The following CFAP410 variants were observed in gnomAD, a reference collection of about 807,000 sequenced individuals.
CFAP410 encodes cilia and flagella associated protein 410, also known as cilia- and flagella-associated protein 410.
CFAP410 carries 27 observed loss-of-function variants against 25.7 expected under a neutral mutation model. The ratio of observed to expected loss-of-function variants is 1.05; its 90% confidence interval spans 0.77 to 1.45. The LOEUF (loss-of-function observed/expected upper bound fraction) is 1.45, where lower values mean the gene tolerates loss of function less well. Ranked by LOEUF, CFAP410 falls within the 40% of genes most tolerant of loss-of-function variation. CFAP410 has a pLI of 0.00. For synonymous variants in CFAP410, 178 were observed against 158.4 expected, an observed-to-expected ratio of 1.12 and a Z score of -0.93; for missense variants, 428 against 354.1, an observed-to-expected ratio of 1.21 and a Z score of -1.67.
At chr21:44,339,051 C>T in intron 1 of CFAP410, 67 bp downstream of exon 1, 6 of 974,170 alleles carry the variant, frequency 6.2e-6, no homozygotes, top group Non-Finnish European at 8.4e-6. Context: ...CTCCCTCCGG[C>T]TCCGCCCTCG....
chr21:44,332,237 C>T (rs9984787), intron 4 of CFAP410: 2 of 477,708 alleles, frequency 4.2e-6, no homozygotes, highest in East Asian at 3.5e-5. Context: ...GAGGGCTGCT[C>T]AGGAATCTCA....
At chr21:44,334,373 G>A in intron 3 of CFAP410, 1 of 424,444 alleles carries the variant, frequency 2.4e-6, no homozygotes, top group Admixed American at 2.5e-5. Flanking sequence ...TGCCACCGTG[G>A]GAACCACAAG....
Position 44,333,068 on chromosome 21 carries a change from C to T in CFAP410, c.338G>A (p.Arg113His), listed in dbSNP as rs762159564. 8.7e-5 allele frequency: 139 copies of T among 1,604,868 alleles called. No individual in the cohort carries two copies. The highest frequency in any genetic ancestry group is 4.8e-4 in the South Asian group (43 of 90,328). The change falls in exon 4 of 7, where the codon CGC becomes CAC. Residue 113 changes from arginine (R) to histidine (H), a missense_variant. By Grantham distance (29) the Arg-to-His change is conservative (BLOSUM62 0). Transcript: ENST00000339818. ...SPHRYRMTVL[R>H]TLPRLQKLDN... ...CAGCTTCTGTAGGCGCGGCAGGGTG[C>T]GCAGCACGGTCATGCGGTAGCGGTG...
intron 4 of CFAP410, chr21:44,332,376 A>C: frequency 4.8e-6 from 1 of 206,888 alleles, no homozygotes; most frequent in Non-Finnish European, 9.6e-6. Flanking sequence ...TATATTATTA[A>C]TATCAATAAA....
intron 1 of CFAP410, 25 bp downstream of exon 1, chr21:44,339,093 C>CGGCCGCGGCCA (rs1323087180): frequency 7.2e-7 from 1 of 1,392,124 alleles, no homozygotes; most frequent in Non-Finnish European, 9.5e-7. Flanking sequence ...CACCCCGGGG[C>CGGCCGCGGCCA]GGCCGCGGCC....
At chr21:44,333,830 C>T (rs2086687455) in intron 3 of CFAP410, 8 of 350,962 alleles carry the variant, frequency 2.3e-5, no homozygotes, top group South Asian at 1.3e-4. Context: ...GCGTGGGGTC[C>T]GTCCCCTCCA....
intron 3 of CFAP410, chr21:44,333,904 G>A (rs1602081867): frequency 2.8e-6 from 1 of 358,704 alleles, no homozygotes; most frequent in Admixed American, 3.7e-5. Flanking sequence ...CCCCCTGCCT[G>A]GAGGGCTGCA....
At chr21:44,334,536 T>A (rs1376763783) in intron 3 of CFAP410, 2 of 137,424 alleles carry the variant, frequency 1.5e-5, no homozygotes, top group South Asian at 4.3e-5. Context: ...CCCCCCCCGC[T>A]CAACCTCTGG....
At chr21:44,337,022 T>C (rs1602088842) in intron 2 of CFAP410, 1 of 149,794 alleles carries the variant, frequency 6.7e-6, no homozygotes, top group Non-Finnish European at 1.5e-5. Context: ...GAGGCAGAGG[T>C]TGCAGTGAGC....
rs1337915891 is a variant in CFAP410, at chr21:44,332,129, G to C, written c.374-115C>G. The stretch of plus-strand genomic sequence containing the variant: ...GGCACAGTCTGCTTGTGAAATGCAT[G>C]CACGTGTATCCACCTCCAGGGACAA... On this transcript the variant is annotated intron_variant, in intron 4 of 6. Transcript: ENST00000339818. 9 of 824,998 alleles carry C rather than the reference G, an allele frequency of 1.1e-5. No homozygotes were observed. In the South Asian group the frequency reaches 1.7e-4, roughly 16 times the overall value. The allele number at this position is 824,998 out of a possible 1,614,324, so 51.1% of individuals were successfully genotyped here.
Position 44,331,953 on chromosome 21 carries a change from TGG to T in CFAP410, c.433_434del (p.Pro145ArgfsTer24). ...CGCCGTGGCCTGTGCCCTCTCTCTC[TGG>T]GGCCGCAGTGATCTCCTCTCCCTCA... ...LSEGEEITAA[P>X]EREGTGHGGP... On this transcript the variant is annotated frameshift_variant, in exon 5 of 7. Coordinates refer to ENST00000339818, the MANE Select transcript of CFAP410 (RefSeq NM_004928.3). LOFTEE classifies it high-confidence loss of function. The T allele has an allele frequency of 6.2e-7, 1 of 1,613,550 alleles. No homozygotes were observed. Among genetic ancestry groups the T allele is most frequent in the Non-Finnish European group, 8.5e-7 (1 of 1,179,808 alleles).
chr21:44,337,135 T>C (rs2047771867), intron 2 of CFAP410, among the ~76,000 whole-genome samples: 1 of 150,932 alleles, frequency 6.6e-6, no homozygotes, highest in South Asian at 2.1e-4. Flanking sequence ...CTGTGTAAGT[T>C]GGGGACATTT....
At chr21:44,335,724 C>T (rs202196237) in intron 3 of CFAP410, 34 bp downstream of exon 3, 46 of 1,557,256 alleles carry the variant, frequency 3.0e-5, no homozygotes, top group Middle Eastern at 1.7e-4. Context: ...GGCTTCCAGG[C>T]CCCAGGCTGA....
chr21:44,330,059 C>T lies in CFAP410; in HGVS notation c.*139G>A. On this transcript the variant is annotated 3_prime_UTR_variant, in exon 7 of 7. Transcript: ENST00000339818. Reference sequence around the variant, plus strand: ...AGCCAGTACCTAACACCCACTCCTGCCCTCGGCCGATGTGGCAAACCGGGG... The same window carrying T: ...AGCCAGTACCTAACACCCACTCCTGTCCTCGGCCGATGTGGCAAACCGGGG... 1.0e-6 allele frequency: 1 copy of T among 972,248 alleles called. No homozygotes were observed. Among genetic ancestry groups the T allele is most frequent in the Non-Finnish European group, 1.5e-6 (1 of 660,586 alleles). The allele number at this position is 972,248 out of a possible 1,614,324, so 60.2% of individuals were successfully genotyped here.
intron 2 of CFAP410, 21 bp downstream of exon 2, chr21:44,337,628 C>G (rs773145451): frequency 6.2e-7 from 1 of 1,609,418 alleles, no homozygotes; most frequent in African/African-American, 1.3e-5. Context: ...GCAATACTTA[C>G]ATCTGTGAGG....
At chr21:44,334,536 TCAACCTCTGGGC>T (rs2047718297) in intron 3 of CFAP410, 1 of 137,402 alleles carries the variant, frequency 7.3e-6, no homozygotes, top group Non-Finnish European at 1.4e-5. Context: ...CCCCCCCCGC[TCAACCTCTGGGC>T]GGGCACGCGC....
intron 3 of CFAP410, chr21:44,334,553 A>T: frequency 4.0e-6 from 1 of 248,076 alleles, no homozygotes. Flanking sequence ...CTGGGCGGGC[A>T]CGCGCACCCC....
chr21:44,334,189 T>A (rs950498601), intron 3 of CFAP410: 1 of 456,288 alleles, frequency 2.2e-6, no homozygotes, highest in Non-Finnish European at 4.4e-6. Flanking sequence ...CAGTCAGGCG[T>A]GCAGGCACCA....
intron 2 of CFAP410, among the ~76,000 whole-genome samples, 185 bp downstream of exon 2, chr21:44,337,464 G>GT (rs2047776833): frequency 6.6e-6 from 1 of 152,196 alleles, no homozygotes. Flanking sequence ...CTAGAGAATT[G>GT]TTTTTCCATT....
Sources: gnomAD v4.1 joint callset for allele counts (sites outside exome capture counted in the v4.1 genomes callset) on GRCh38, gnomAD v4.1.1 for gene constraint, MANE v1.5 for transcripts, NCBI Gene and HGNC (gene_info 2026-07-23, HGNC 2026-07-21) for gene names.